Variants in UBE2W observed in about 807,000 individuals in gnomAD.
UBE2W encodes the protein ubiquitin-conjugating enzyme E2 W.
In UBE2W, 18 loss-of-function variants were observed where a neutral mutation model predicts 27.2. The ratio of observed to expected loss-of-function variants is 0.66; its 90% CI spans 0.46 to 0.98. UBE2W has a LOEUF of 0.98. Among genes scored for constraint, UBE2W ranks in the 50% least tolerant of loss-of-function variants. UBE2W has a pLI of 0.00. For synonymous variants in UBE2W, 53 were observed against 57.2 expected (o/e 0.93, Z 0.33); for missense variants, 90 against 180.2 (o/e 0.50, Z 2.87).
chr8:73,877,989 G>A (rs969632468), intron 1 of UBE2W, among the ~76,000 whole-genome samples: 1 of 151,822 alleles, frequency 6.6e-6, no homozygotes, highest in Non-Finnish European at 1.5e-5. Flanking sequence ...TTCCACTAAA[G>A]GTCTGGGAAT....
At chr8:73,836,069 T>C (rs531869898) in intron 1 of UBE2W, among the ~76,000 whole-genome samples, 142 of 152,274 alleles carry the variant, frequency 9.3e-4, no homozygotes, top group African/African-American at 3.2e-3. Flanking sequence ...TTTAAATCGC[T>C]AAGTTTAAGG....
At chr8:73,796,699 A>G in intron 5 of UBE2W, 2 of 975,936 alleles carry the variant, frequency 2.0e-6, no homozygotes, top group Non-Finnish European at 2.4e-6. Context: ...GGCTATATGT[A>G]ATCAAGAGTT....
At position 73,787,318 on chromosome 8, in the gene UBE2W, G is replaced by T; in HGVS notation, c.*6784C>A. On this transcript the variant is annotated 3_prime_UTR_variant, in exon 6 of 6. Transcript: ENST00000602593. ...TTACGTGTTATGTTAGTGTGAAAAT[G>T]AGTAAGAAATATAGGGAGGACATAA... 1.0e-6 allele frequency: 1 copy of T among 985,384 alleles called. No homozygotes were observed. Among genetic ancestry groups the T allele is most frequent in the Non-Finnish European group, 1.2e-6 (1 of 829,920 alleles). The allele number at this position is 985,384 out of a possible 1,614,324, so 61.0% of individuals were successfully genotyped here.
intron 2 of UBE2W, among the ~76,000 whole-genome samples, chr8:73,826,511 T>C (rs1337233111): frequency 2.0e-5 from 3 of 152,180 alleles, no homozygotes; most frequent in African/African-American, 7.2e-5. Flanking sequence ...ACGCATACTA[T>C]GAACCTTGGA....
At chr8:73,833,184 CAAAAAAAA>C (rs1202478660) in intron 1 of UBE2W, among the ~76,000 whole-genome samples, 2 of 31,380 alleles carry the variant, frequency 6.4e-5, no homozygotes, top group Admixed American at 3.7e-4. Context: ...GACTCCACCT[CAAAAAAAA>C]AAAAAAAAAA....
intron 1 of UBE2W, chr8:73,833,719 T>C (rs1810188763): frequency 7.0e-6 from 1 of 142,448 alleles, no homozygotes; most frequent in South Asian, 2.1e-4. Context: ...AAATAACTAA[T>C]GTTATTAAAA....
At chr8:73,826,371 C>A (rs1428383419) in intron 2 of UBE2W, among the ~76,000 whole-genome samples, 1 of 152,130 alleles carries the variant, frequency 6.6e-6, no homozygotes, top group African/African-American at 2.4e-5. Flanking sequence ...AATTATAGCT[C>A]TGTCACTTAT....
chr8:73,840,068 TC>T (rs1176239254), intron 1 of UBE2W, among the ~76,000 whole-genome samples: 2 of 149,884 alleles, frequency 1.3e-5, no homozygotes, highest in Non-Finnish European at 2.9e-5. Flanking sequence ...TTCTTTTTTT[TC>T]CCCCCAAGAA....
intron 5 of UBE2W, among the ~76,000 whole-genome samples, 179 bp downstream of exon 5, chr8:73,805,472 C>CAAACAAAAAAAAAAAAAAAAAAAAAA (rs1254739442): frequency 2.3e-5 from 1 of 43,676 alleles, no homozygotes; most frequent in Non-Finnish European, 5.0e-5. Context: ...AAAAAAAAAA[C>CAAACAAAAAAAAAAAAAAAAAAAAAA]AAAAAAAACT....
chr8:73,824,986 A>C (rs1191383488), intron 3 of UBE2W, among the ~76,000 whole-genome samples, 161 bp downstream of exon 3: 3 of 152,248 alleles, frequency 2.0e-5, no homozygotes, highest in African/African-American at 7.2e-5. Context: ...AATCCCAATA[A>C]AGTGTAATGT....
chr8:73,792,274 A>AT lies in UBE2W; in HGVS notation c.*1827dup, dbSNP rs1205802422. On this transcript the variant is annotated 3_prime_UTR_variant, in exon 6 of 6. Transcript: ENST00000602593. ...TCAAGATAGAACAAAAACGGTTATAATTTTTTAAAAGTGGTAATTGTTAAC... is the reference window on the plus strand; with the variant it reads ...TCAAGATAGAACAAAAACGGTTATAATTTTTTTAAAAGTGGTAATTGTTAAC... 1 of 985,664 alleles carries AT rather than the reference A, an allele frequency of 1.0e-6. No individual in the cohort carries two copies. The allele number at this position is 985,664 out of a possible 1,614,324, so 61.1% of individuals were successfully genotyped here. A position where few individuals can be genotyped will look rare whatever the true frequency, so the allele number is the denominator to read the frequency against.
chr8:73,797,558 A>C (rs1808473894), intron 5 of UBE2W, among the ~76,000 whole-genome samples: 2 of 152,246 alleles, frequency 1.3e-5, no homozygotes, highest in African/African-American at 4.8e-5. Context: ...CAAATAAAAA[A>C]GTTCACAACA....
intron 5 of UBE2W, among the ~76,000 whole-genome samples, chr8:73,803,483 C>T (rs1808733209): frequency 2.0e-5 from 3 of 152,096 alleles, no homozygotes. Context: ...TTCTCCATTA[C>T]CTTTATGGCT....
chr8:73,845,110 T>TGCACCATCTGGGAGGTGGGGGGC (rs1810732790), intron 1 of UBE2W, among the ~76,000 whole-genome samples: 1 of 9,876 alleles, frequency 1.0e-4, no homozygotes, highest in South Asian at 7.4e-3. Context: ...AGCCCCCGCC[T>TGCACCATCTGGGAGGTGGGGGGC]GGCCGCCGCC....
intron 1 of UBE2W, among the ~76,000 whole-genome samples, chr8:73,844,217 T>G (rs955696021): frequency 4.1e-5 from 5 of 121,588 alleles, no homozygotes; most frequent in African/African-American, 1.3e-4. Flanking sequence ...TGGACTGTAC[T>G]GCCGCCATCT....
chr8:73,849,381 G>C (rs961071868), intron 1 of UBE2W, among the ~76,000 whole-genome samples: 3 of 151,724 alleles, frequency 2.0e-5, no homozygotes, highest in African/African-American at 7.3e-5. Flanking sequence ...GCATGGTGGC[G>C]GGTGCCTGTA....
At position 73,805,472 on chromosome 8, in the gene UBE2W, C is replaced by CAAAAAAAAAAA; in HGVS notation, c.442+178_442+179insTTTTTTTTTTT. 6.9e-3 allele frequency among the ~76,000 whole-genome samples: 300 copies of CAAAAAAAAAAA among 43,638 alleles called. 40 individuals carry two copies. The highest frequency in any genetic ancestry group is 0.015 in the Middle Eastern group (1 of 66). The allele number at this position is 43,638 out of a possible 152,430, so 28.6% of individuals were successfully genotyped here. A position where few individuals can be genotyped will look rare whatever the true frequency, so the allele number is the denominator to read the frequency against. On this transcript the variant is annotated intron_variant, in intron 5 of 5. Coordinates refer to ENST00000602593, the MANE Select transcript of UBE2W (RefSeq NM_018299.6). The stretch of plus-strand genomic sequence containing the variant: ...TCCATCTCAAAAAAAAAAAAAAAAA[C>CAAAAAAAAAAA]AAAAAAAACTAGGGTAATTCATCCA...
intron 1 of UBE2W, among the ~76,000 whole-genome samples, chr8:73,836,814 A>G (rs1369642613): frequency 6.6e-6 from 1 of 152,224 alleles, no homozygotes; most frequent in Non-Finnish European, 1.5e-5. Context: ...TAAAACCATC[A>G]TGGCCATACT....
intron 1 of UBE2W, among the ~76,000 whole-genome samples, chr8:73,832,918 T>C (rs995892253): frequency 6.6e-6 from 1 of 152,110 alleles, no homozygotes; most frequent in Non-Finnish European, 1.5e-5. Context: ...GGCTGGGCGT[T>C]GTGGCTCACG....
Sources: allele counts gnomAD v4.1 joint callset (sites outside exome capture counted in the v4.1 genomes callset), GRCh38; gene constraint gnomAD v4.1.1; transcripts MANE v1.5; gene names NCBI Gene and HGNC (gene_info 2026-07-23, HGNC 2026-07-21).